ARHGAP24: variants seen among roughly 807,000 people sequenced by gnomAD.
ARHGAP24 encodes the protein rho GTPase-activating protein 24.
ARHGAP24 carries 50 observed loss-of-function variants against 76.4 expected under a neutral mutation model. The observed-to-expected ratio is 0.65, with a 90% CI of 0.52 to 0.83. The LOEUF is 0.83. ARHGAP24 is among the 40% of genes least tolerant of loss of function. ARHGAP24 has a pLI of 0.00. For missense variants in ARHGAP24, 930 were observed against 914.2 expected (o/e 1.02, Z -0.22); for synonymous variants, 345 against 323.3 (o/e 1.07, Z -0.72).
chr4:85,822,201 G>A (rs1013938281), intron 3 of ARHGAP24, among the ~76,000 whole-genome samples: 1 of 152,072 alleles, frequency 6.6e-6, no homozygotes, highest in Non-Finnish European at 1.5e-5. Context: ...AAAGTGAAAT[G>A]TTCAATTAAT....
At chr4:85,666,872 G>C (rs916678202) in intron 2 of ARHGAP24, among the ~76,000 whole-genome samples, 2 of 152,166 alleles carry the variant, frequency 1.3e-5, no homozygotes, top group African/African-American at 2.4e-5. Flanking sequence ...TCTCAGAGGA[G>C]TACCCAGCCG....
At chr4:85,757,213 C>CTTTTT (rs567221846) in intron 3 of ARHGAP24, among the ~76,000 whole-genome samples, 4 of 130,716 alleles carry the variant, frequency 3.1e-5, no homozygotes, top group African/African-American at 5.5e-5. Flanking sequence ...GCAACCAATT[C>CTTTTT]TTTTTTTTTT....
chr4:85,753,824 A>G (rs937341516), intron 3 of ARHGAP24, among the ~76,000 whole-genome samples: 3 of 152,174 alleles, frequency 2.0e-5, no homozygotes, highest in Non-Finnish European at 4.4e-5. Context: ...ATATTTCAAT[A>G]CCTATATACA....
intron 2 of ARHGAP24, among the ~76,000 whole-genome samples, chr4:85,644,499 A>C (rs1578103558): frequency 6.6e-6 from 1 of 152,138 alleles, no homozygotes; most frequent in East Asian, 1.9e-4. Context: ...TGATGATTGC[A>C]TATTTCTTTA....
chr4:85,613,661 A>G (rs1487303263), intron 2 of ARHGAP24, among the ~76,000 whole-genome samples: 1 of 152,158 alleles, frequency 6.6e-6, no homozygotes, highest in Non-Finnish European at 1.5e-5. Flanking sequence ...CCTAGCAGAA[A>G]CCTATTCACA....
At chr4:85,566,776 A>G (rs917506436) in intron 1 of ARHGAP24, among the ~76,000 whole-genome samples, 2 of 152,224 alleles carry the variant, frequency 1.3e-5, no homozygotes, top group Non-Finnish European at 2.9e-5. Flanking sequence ...AATTTAGAGA[A>G]GTGTCAGGGA....
intron 3 of ARHGAP24, among the ~76,000 whole-genome samples, chr4:85,835,665 G>A (rs186688471): frequency 1.5e-4 from 23 of 152,040 alleles, no homozygotes; most frequent in Admixed American, 1.2e-3. Flanking sequence ...GCGATAGAAT[G>A]TGATAACGAT....
chr4:85,660,883 A>G (rs1722358389), intron 2 of ARHGAP24, among the ~76,000 whole-genome samples: 1 of 149,770 alleles, frequency 6.7e-6, no homozygotes. Flanking sequence ...TTAGAGTTTC[A>G]ATTTGTAGCC....
chr4:85,747,267 G>C (rs1726076694), intron 3 of ARHGAP24, among the ~76,000 whole-genome samples: 1 of 152,090 alleles, frequency 6.6e-6, no homozygotes. Context: ...CTTTAGAGTA[G>C]AAAGTATCTT....
At chr4:85,770,213 T>C (rs1727083378) in intron 3 of ARHGAP24, among the ~76,000 whole-genome samples, 7 of 152,222 alleles carry the variant, frequency 4.6e-5, no homozygotes, top group Admixed American at 4.6e-4. Flanking sequence ...TTCACTCTTA[T>C]TGTAAAAATG....
chr4:85,625,961 T>C (rs1006005628), intron 2 of ARHGAP24, among the ~76,000 whole-genome samples: 7 of 152,218 alleles, frequency 4.6e-5, no homozygotes, highest in African/African-American at 1.7e-4. Context: ...AGCCTATGTG[T>C]GTCTCTGCAC....
chr4:85,875,063 T>C (rs1220712601), intron 3 of ARHGAP24, among the ~76,000 whole-genome samples: 395 of 2,230 alleles, frequency 0.18, 18 homozygotes, highest in African/African-American at 0.28. Context: ...ATATATTTGT[T>C]TTATATATTA....
At chr4:85,711,639 A>G (rs993562808) in intron 2 of ARHGAP24, among the ~76,000 whole-genome samples, 25 of 152,158 alleles carry the variant, frequency 1.6e-4, no homozygotes, top group African/African-American at 5.8e-4. Flanking sequence ...TAAATTTAAG[A>G]TTCAAATATG....
intron 3 of ARHGAP24, among the ~76,000 whole-genome samples, chr4:85,768,639 G>A (rs1578210108): frequency 6.6e-6 from 1 of 152,092 alleles, no homozygotes; most frequent in African/African-American, 2.4e-5. Context: ...TTAGCCGGGT[G>A]TGGTGGCGCA....
intron 2 of ARHGAP24, among the ~76,000 whole-genome samples, chr4:85,623,368 G>T (rs1720795057): frequency 6.6e-6 from 1 of 152,160 alleles, no homozygotes; most frequent in Non-Finnish European, 1.5e-5. Context: ...TTTCCCCATT[G>T]CTTGTTTTTG....
chr4:85,996,512 GTTGGCTTTAAT>G (rs1289207176), intron 9 of ARHGAP24, among the ~76,000 whole-genome samples: 1 of 152,114 alleles, frequency 6.6e-6, no homozygotes, highest in Non-Finnish European at 1.5e-5. Flanking sequence ...TGGTTGTTAA[GTTGGCTTTAAT>G]TTACCTTAAT....
At chr4:85,545,048 T>C (rs1305946977) in intron 1 of ARHGAP24, among the ~76,000 whole-genome samples, 3 of 152,068 alleles carry the variant, frequency 2.0e-5, no homozygotes, top group Non-Finnish European at 4.4e-5. Flanking sequence ...TTAGGACTTA[T>C]ATCCTTGTAC....
intron 2 of ARHGAP24, among the ~76,000 whole-genome samples, chr4:85,691,395 A>G (rs1016158786): frequency 6.6e-6 from 1 of 152,090 alleles, no homozygotes; most frequent in Non-Finnish European, 1.5e-5. Context: ...TAAGTCTAGA[A>G]TCTCTTTGTT....
intron 2 of ARHGAP24, among the ~76,000 whole-genome samples, chr4:85,589,284 A>G (rs1049051570): frequency 1.3e-5 from 2 of 152,222 alleles, no homozygotes; most frequent in African/African-American, 4.8e-5. Flanking sequence ...TTAAACCAGT[A>G]GAAGATTGCA....
Sources: gnomAD v4.1 joint callset for allele counts (sites outside exome capture counted in the v4.1 genomes callset) on GRCh38, gnomAD v4.1.1 for gene constraint, MANE v1.5 for transcripts, NCBI Gene and HGNC (gene_info 2026-07-23, HGNC 2026-07-21) for gene names.